Variants in GRIN2A observed in about 807,000 individuals in gnomAD.
GRIN2A encodes glutamate ionotropic receptor NMDA type subunit 2A.
GRIN2A carries 22 observed loss-of-function variants against 113.4 expected under a neutral mutation model. The observed-to-expected ratio is 0.19, with a 90% CI of 0.14 to 0.28. The LOEUF is 0.28. Among genes scored for constraint, GRIN2A ranks in the 10% least tolerant of loss-of-function variants. The pLI, the probability that GRIN2A is intolerant of heterozygous loss-of-function variation, is 1.00. For missense variants in GRIN2A, 1,502 were observed against 1,887.0 expected, an observed-to-expected ratio of 0.80 and a Z score of 3.78; for synonymous variants, 827 against 738.4, an observed-to-expected ratio of 1.12 and a Z score of -1.94.
Position 9,755,664 on chromosome 16 carries a change from AG to A in GRIN2A, c.*7484del. The A allele has an allele frequency of 5.0e-6, 1 of 198,996 alleles. No individual in the cohort carries two copies. Among genetic ancestry groups the A allele is most frequent in the East Asian group, 7.6e-5 (1 of 13,120 alleles). 12.3% of individuals were successfully genotyped at this position (198,996 alleles called of 1,614,324 possible). On this transcript the variant is annotated 3_prime_UTR_variant, in exon 13 of 13. Transcript: ENST00000330684. The stretch of plus-strand genomic sequence containing the variant: ...AAGAAATGTGGCTTAGACCATGGAG[AG>A]GGGGGAATGCAGGAAAGGCAGTGTG...
At chr16:10,057,397 C>T (rs2047474861) in intron 2 of GRIN2A, among the ~76,000 whole-genome samples, 2 of 152,166 alleles carry the variant, frequency 1.3e-5, no homozygotes, top group African/African-American at 4.8e-5. Flanking sequence ...TATAAATGTT[C>T]TGGGGCCTCC....
chr16:9,953,361 A>G (rs942252058), intron 2 of GRIN2A, among the ~76,000 whole-genome samples: 1 of 152,184 alleles, frequency 6.6e-6, no homozygotes, highest in Non-Finnish European at 1.5e-5. Context: ...CTAGCCTTGT[A>G]CCTGACATAC....
chr16:9,920,969 C>A (rs2044347787), intron 3 of GRIN2A, among the ~76,000 whole-genome samples: 2 of 152,144 alleles, frequency 1.3e-5, no homozygotes, highest in Non-Finnish European at 2.9e-5. Context: ...TTTGCTCAAT[C>A]CTCTGTAGAG....
intron 2 of GRIN2A, among the ~76,000 whole-genome samples, chr16:10,060,984 G>C (rs192374232): frequency 6.6e-6 from 1 of 152,296 alleles, no homozygotes; most frequent in Non-Finnish European, 1.5e-5. Flanking sequence ...TAGAACTCCA[G>C]TTTAATTCAG....
chr16:9,960,066 G>A (rs2141700118), intron 2 of GRIN2A, among the ~76,000 whole-genome samples: 1 of 152,292 alleles, frequency 6.6e-6, no homozygotes, highest in East Asian at 1.9e-4. Context: ...AGATGATGTG[G>A]CTTCCAGGTT....
chr16:9,892,464 C>G (rs1377493072), intron 3 of GRIN2A, among the ~76,000 whole-genome samples: 1 of 151,948 alleles, frequency 6.6e-6, no homozygotes, highest in Admixed American at 6.6e-5. Flanking sequence ...AAAGCAACAG[C>G]AAACAAGACC....
At chr16:9,863,816 A>G (rs1420223600) in intron 4 of GRIN2A, among the ~76,000 whole-genome samples, 1 of 152,166 alleles carries the variant, frequency 6.6e-6, no homozygotes, top group Non-Finnish European at 1.5e-5. Context: ...TTCTGTTTCT[A>G]TATCTGCATC....
chr16:9,761,205 T>C lies in GRIN2A; in HGVS notation c.*1944A>G. ...TAGGTCAGGTGTACTTTCCCAAAGA[T>C]GGAGCTATTCCATGCATCCTTGAGC... On this transcript the variant is annotated 3_prime_UTR_variant, in exon 13 of 13. Transcript: ENST00000330684. 1 of 231,878 alleles carries C rather than the reference T, an allele frequency of 4.3e-6. No homozygotes were observed. Among genetic ancestry groups the C allele is most frequent in the East Asian group, 6.1e-5 (1 of 16,432 alleles). The allele number at this position is 231,878 out of a possible 1,614,324, so 14.4% of individuals were successfully genotyped here.
chr16:9,965,007 T>C (rs1452775224), intron 2 of GRIN2A, among the ~76,000 whole-genome samples: 1 of 152,180 alleles, frequency 6.6e-6, no homozygotes, highest in Admixed American at 6.6e-5. Context: ...GAGAAGGAAA[T>C]GCCAAATCCT....
intron 2 of GRIN2A, among the ~76,000 whole-genome samples, chr16:10,090,249 T>C (rs918390405): frequency 3.3e-5 from 5 of 150,824 alleles, no homozygotes; most frequent in African/African-American, 4.9e-5. Context: ...AATTTTGAAA[T>C]AGAAAAACAA....
chr16:9,841,167 G>T, intron 5 of GRIN2A, 63 bp from the exon 6 acceptor site: 1 of 1,341,576 alleles, frequency 7.5e-7, no homozygotes, highest in Non-Finnish European at 1.1e-6. Context: ...ACAATCATTA[G>T]CTGTACTCTT....
chr16:9,843,391 G>C (rs1596486963), intron 5 of GRIN2A, among the ~76,000 whole-genome samples: 1 of 152,118 alleles, frequency 6.6e-6, no homozygotes, highest in Non-Finnish European at 1.5e-5. Context: ...TTGCAGTGAT[G>C]TGATCATGGC....
intron 2 of GRIN2A, among the ~76,000 whole-genome samples, chr16:10,019,063 A>G (rs1195155925): frequency 3.4e-5 from 5 of 149,012 alleles, no homozygotes; most frequent in Non-Finnish European, 7.5e-5. Context: ...TGATCTCCAA[A>G]AAAAAAAAAA....
intron 2 of GRIN2A, among the ~76,000 whole-genome samples, chr16:10,067,740 C>T (rs944558030): frequency 5.3e-5 from 8 of 152,048 alleles, no homozygotes; most frequent in Non-Finnish European, 1.2e-4. Context: ...ACATTCCCAC[C>T]CCCACCCCAA....
intron 2 of GRIN2A, among the ~76,000 whole-genome samples, chr16:10,002,139 T>A (rs1272219295): frequency 2.0e-5 from 3 of 152,212 alleles, no homozygotes; most frequent in Admixed American, 1.3e-4. Flanking sequence ...GATGGCCTCA[T>A]GTATCACACT....
At chr16:10,087,685 T>C (rs1018629879) in intron 2 of GRIN2A, among the ~76,000 whole-genome samples, 2 of 152,136 alleles carry the variant, frequency 1.3e-5, no homozygotes, top group African/African-American at 4.8e-5. Flanking sequence ...TTTTCTTTTT[T>C]ATTTATTTTT....
At chr16:10,104,022 G>T (rs1258609973) in intron 2 of GRIN2A, among the ~76,000 whole-genome samples, 1 of 152,154 alleles carries the variant, frequency 6.6e-6, no homozygotes, top group Non-Finnish European at 1.5e-5. Context: ...GTTTATCAAT[G>T]TCCTTCTTAA....
At chr16:10,168,249 T>A (rs1210703278) in intron 2 of GRIN2A, among the ~76,000 whole-genome samples, 1 of 152,232 alleles carries the variant, frequency 6.6e-6, no homozygotes, top group East Asian at 1.9e-4. Context: ...TGTCTGCTTT[T>A]CAAATATCTT....
chr16:10,030,001 A>T (rs891459401), intron 2 of GRIN2A, among the ~76,000 whole-genome samples: 52 of 152,040 alleles, frequency 3.4e-4, no homozygotes, highest in South Asian at 1.0e-3. Flanking sequence ...TGTCTCCAAA[A>T]AAATAAATAA....
Sources: allele counts gnomAD v4.1 joint callset (sites outside exome capture counted in the v4.1 genomes callset), GRCh38; gene constraint gnomAD v4.1.1; transcripts MANE v1.5; gene names NCBI Gene and HGNC (gene_info 2026-07-23, HGNC 2026-07-21).